Variants in ALDH8A1 observed in about 807,000 individuals in gnomAD.
ALDH8A1 encodes aldehyde dehydrogenase 8 family member A1, also known as 2-aminomuconic semialdehyde dehydrogenase.
ALDH8A1 carries 39 observed loss-of-function variants against 43.3 expected under a neutral mutation model. The observed-to-expected ratio is 0.90, with a 90% CI of 0.70 to 1.18. ALDH8A1 has a LOEUF of 1.18. Among genes scored for constraint, ALDH8A1 ranks in the 50% most tolerant of loss-of-function variants. The pLI is 0.00. For synonymous variants in ALDH8A1, 233 were observed against 243.5 expected, an observed-to-expected ratio of 0.96 and a Z score of 0.40; for missense variants, 605 against 622.6, an observed-to-expected ratio of 0.97 and a Z score of 0.30.
intron 1 of ALDH8A1, among the ~76,000 whole-genome samples, chr6:134,946,628 G>A (rs1773952900): frequency 1.3e-5 from 2 of 152,196 alleles, no homozygotes; most frequent in Admixed American, 6.5e-5. Flanking sequence ...TATAGATGAG[G>A]AGACTGAGGC....
In ALDH8A1 at chr6:134,933,007, A is replaced by T. The variant is rs200482782; in HGVS notation, c.618T>A (p.Ile206=). 13 of 1,593,834 alleles carry T rather than the reference A, an allele frequency of 8.2e-6. No individual in the cohort carries two copies. In the African/African-American group the frequency reaches 1.7e-4, roughly 21 times the overall value. ...KAGVPPGVVN[I]VFGTGPRVGE... The stretch of plus-strand genomic sequence containing the variant: ...CCACCCTGGGCCCGGTTCCAAACAC[A>T]ATATTGACCACACCTGGTGGAACAC... Residue 206 remains isoleucine, a synonymous_variant, in exon 5 of 7, where the codon ATT becomes ATA. Transcript: ENST00000265605.
intron 4 of ALDH8A1, among the ~76,000 whole-genome samples, chr6:134,933,857 C>T (rs574954532): frequency 3.9e-5 from 6 of 152,136 alleles, no homozygotes; most frequent in Admixed American, 3.3e-4. Flanking sequence ...TACAGGCGTG[C>T]ACCATTACAC....
At chr6:134,945,466 G>A (rs1281656429) in intron 1 of ALDH8A1, among the ~76,000 whole-genome samples, 2 of 152,100 alleles carry the variant, frequency 1.3e-5, no homozygotes, top group African/African-American at 4.8e-5. Flanking sequence ...GGAAGGTATG[G>A]GCAGGGTCAA....
intron 5 of ALDH8A1, among the ~76,000 whole-genome samples, chr6:134,931,030 T>C (rs939082301): frequency 2.6e-5 from 4 of 152,156 alleles, no homozygotes; most frequent in South Asian, 2.1e-4. Context: ...AAGGAAGAAA[T>C]ATGCACGACA....
chr6:134,944,059 A>G, intron 1 of ALDH8A1, 93 bp from the exon 2 acceptor site: 1 of 1,120,706 alleles, frequency 8.9e-7, no homozygotes, highest in Non-Finnish European at 1.2e-6. Context: ...CACACACCTC[A>G]TTTTTGTTTT....
chr6:134,946,305 A>G (rs1583038190), intron 1 of ALDH8A1, among the ~76,000 whole-genome samples: 1 of 152,322 alleles, frequency 6.6e-6, no homozygotes, highest in East Asian at 1.9e-4. Context: ...GACCTCCACC[A>G]CCAGCTGCAG....
chr6:134,921,229 GC>G (rs1776795009), intron 6 of ALDH8A1, among the ~76,000 whole-genome samples: 1 of 152,136 alleles, frequency 6.6e-6, no homozygotes, highest in Non-Finnish European at 1.5e-5. Context: ...GCAACAGTGG[GC>G]CTTGGTTAGG....
At chr6:134,936,585 A>G (rs1303189621) in intron 4 of ALDH8A1, among the ~76,000 whole-genome samples, 1 of 152,212 alleles carries the variant, frequency 6.6e-6, no homozygotes, top group Non-Finnish European at 1.5e-5. Flanking sequence ...AATGAATGGA[A>G]TCACTGCTAA....
At chr6:134,942,676 G>T in intron 2 of ALDH8A1, 112 bp from the exon 3 acceptor site, 1 of 1,099,262 alleles carries the variant, frequency 9.1e-7, no homozygotes, top group Non-Finnish European at 1.3e-6. Context: ...ATTCCTTCTA[G>T]CCCGGGGCAG....
Position 134,918,250 on chromosome 6 carries a change from T to C in ALDH8A1, c.*165A>G, listed in dbSNP as rs1653608408. 4.6e-6 allele frequency: 3 copies of C among 648,972 alleles called. No individual in the cohort carries two copies. Among genetic ancestry groups the C allele is most frequent in the South Asian group, 4.2e-5 (2 of 48,150 alleles). The allele number at this position is 648,972 out of a possible 1,614,324, so 40.2% of individuals were successfully genotyped here. On this transcript the variant is annotated 3_prime_UTR_variant, in exon 7 of 7. Transcript: ENST00000265605. The stretch of plus-strand genomic sequence containing the variant: ...GTCCACATTGAAAATAGACAGTATC[T>C]CTTCACTAGTGGGTAAAGTTACTAA...
chr6:134,944,458 G>C (rs1282805844), intron 1 of ALDH8A1, among the ~76,000 whole-genome samples: 1 of 152,154 alleles, frequency 6.6e-6, no homozygotes, highest in Non-Finnish European at 1.5e-5. Context: ...CAAAGGAGGG[G>C]TACCATAGAA....
In ALDH8A1 at chr6:134,939,251, C is replaced by G. The variant is rs2114701615; in HGVS notation, c.592+15G>C. On this transcript the variant is annotated intron_variant, in intron 4 of 6. Transcript: ENST00000265605. The stretch of plus-strand genomic sequence containing the variant: ...CCAACTCTGTGCCTGCCCCCCAACC[C>G]CAACACCTAATTACCTGCTTTATCC... 1 of 1,613,172 alleles carries G rather than the reference C, an allele frequency of 6.2e-7. No homozygotes were observed. The highest frequency in any genetic ancestry group is 1.7e-4 in the Middle Eastern group (1 of 6,054).
Position 134,917,514 on chromosome 6 carries a change from A to G in ALDH8A1, c.*901T>C, listed in dbSNP as rs41286232. ...CTCGACCGTAGGAATGGATCAAACT[A>G]TGTACTCTTCTTGTTCCAAGTTTCC... On this transcript the variant is annotated 3_prime_UTR_variant, in exon 7 of 7. Coordinates refer to ENST00000265605, the MANE Select transcript of ALDH8A1 (RefSeq NM_022568.4). 6.6e-6 allele frequency: 1 copy of G among 152,306 alleles called. No individual in the cohort carries two copies. Among genetic ancestry groups the G allele is most frequent in the Non-Finnish European group, 1.5e-5 (1 of 68,036 alleles). The allele number at this position is 152,306 out of a possible 1,614,324, so 9.4% of individuals were successfully genotyped here.
chr6:134,921,815 A>T (rs1432401895), intron 6 of ALDH8A1, among the ~76,000 whole-genome samples: 2 of 152,216 alleles, frequency 1.3e-5, no homozygotes, highest in African/African-American at 4.8e-5. Context: ...TAACATTAGG[A>T]AAGATGACTG....
At chr6:134,933,158 GT>G in intron 4 of ALDH8A1, 126 bp from the exon 5 acceptor site, 1 of 1,111,158 alleles carries the variant, frequency 9.0e-7, no homozygotes, top group Non-Finnish European at 1.2e-6. Context: ...AAGCACTTGG[GT>G]TTTACAACAC....
At chr6:134,926,490 C>T (rs1481655833) in intron 6 of ALDH8A1, among the ~76,000 whole-genome samples, 1 of 152,014 alleles carries the variant, frequency 6.6e-6, no homozygotes, top group Non-Finnish European at 1.5e-5. Flanking sequence ...CATAAGCCAC[C>T]GCACCTGGCC....
At chr6:134,921,229 G>A (rs1776794963) in intron 6 of ALDH8A1, among the ~76,000 whole-genome samples, 1 of 152,136 alleles carries the variant, frequency 6.6e-6, no homozygotes. Context: ...GCAACAGTGG[G>A]CCTTGGTTAG....
intron 6 of ALDH8A1, 86 bp downstream of exon 6, chr6:134,928,968 T>C: frequency 2.1e-6 from 3 of 1,439,458 alleles, no homozygotes; most frequent in Non-Finnish European, 2.8e-6. Flanking sequence ...TAACAATATT[T>C]CAGAGTCTGA....
Position 134,939,288 on chromosome 6 carries a change from C to G in ALDH8A1, c.570G>C (p.Leu190Phe). 6.2e-7 allele frequency: 1 copy of G among 1,614,224 alleles called. No homozygotes were observed. Among genetic ancestry groups the G allele is most frequent in the Non-Finnish European group, 8.5e-7 (1 of 1,180,030 alleles). The change falls in exon 4 of 7, where the codon TTG becomes TTC. Residue 190 changes from leucine (L) to phenylalanine (F), a missense_variant. Transcript: ENST00000265605. ...SELTSVTAWM[L>F]CKLLDKAGVP... ...TACCTGCTTTATCCAGGAGTTTGCA[C>G]AACATCCACGCAGTCACTGAAGTCA... is the stretch of plus-strand genomic sequence containing the variant.
Sources: gnomAD v4.1 joint callset for allele counts (sites outside exome capture counted in the v4.1 genomes callset) on GRCh38, gnomAD v4.1.1 for gene constraint, MANE v1.5 for transcripts, NCBI Gene and HGNC (gene_info 2026-07-23, HGNC 2026-07-21) for gene names.